The following BNC1 variants were observed in gnomAD, a reference collection of about 807,000 sequenced individuals.
BNC1 encodes the protein zinc finger protein basonuclin-1.
In BNC1, 8 loss-of-function variants were observed where a neutral mutation model predicts 66.5. The ratio of observed to expected loss-of-function variants is 0.12; its 90% CI spans 0.07 to 0.22. The LOEUF (loss-of-function observed/expected upper bound fraction) is 0.22, where lower values mean the gene tolerates loss of function less well. BNC1 is among the 10% of genes least tolerant of loss of function. The probability of loss-of-function intolerance (pLI) is 1.00; values close to 1 mark genes in which losing one functional copy is unlikely to be tolerated. For missense variants in BNC1, 1,069 were observed against 1,241.3 expected, an observed-to-expected ratio of 0.86 and a Z score of 2.09; for synonymous variants, 454 against 452.6, an observed-to-expected ratio of 1.00 and a Z score of -0.04.
intron 1 of BNC1, among the ~76,000 whole-genome samples, chr15:83,282,666 G>C (rs559791314): frequency 6.6e-6 from 1 of 152,102 alleles, no homozygotes; most frequent in African/African-American, 2.4e-5. Context: ...CGAAGACTTA[G>C]AATCTTATCA....
intron 1 of BNC1, among the ~76,000 whole-genome samples, chr15:83,273,384 C>T (rs941233153): frequency 3.9e-5 from 6 of 152,138 alleles, no homozygotes; most frequent in African/African-American, 1.4e-4. Context: ...ACAAAAAGTA[C>T]TCATGTAAAT....
At chr15:83,283,338 G>A (rs981537344) in intron 1 of BNC1, 23 of 1,465,340 alleles carry the variant, frequency 1.6e-5, no homozygotes, top group Admixed American at 4.2e-5. Flanking sequence ...GCGGCGGCGG[G>A]GCTCCGGGTC....
intron 4 of BNC1, among the ~76,000 whole-genome samples, chr15:83,262,371 C>G (rs183270591): frequency 1.3e-5 from 2 of 152,176 alleles, no homozygotes; most frequent in Non-Finnish European, 2.9e-5. Flanking sequence ...ATTTCTTATC[C>G]CACACCCTTG....
At chr15:83,264,897 T>C in intron 3 of BNC1, 82 bp from the exon 4 acceptor site, 4 of 1,402,096 alleles carry the variant, frequency 2.9e-6, no homozygotes, top group Non-Finnish European at 3.9e-6. Flanking sequence ...CACTAGACTA[T>C]GGGATACTTT....
chr15:83,283,690 C>A (rs1203083932), intron 1 of BNC1, among the ~76,000 whole-genome samples: 3 of 152,212 alleles, frequency 2.0e-5, no homozygotes, highest in Admixed American at 2.0e-4. Flanking sequence ...GCTTCCAGCC[C>A]AGAGCCCAAG....
chr15:83,257,316 TA>T lies in BNC1; in HGVS notation c.*125del. On this transcript the variant is annotated 3_prime_UTR_variant, in exon 5 of 5. Coordinates refer to ENST00000345382, the MANE Select transcript of BNC1 (RefSeq NM_001717.4). The stretch of plus-strand genomic sequence containing the variant: ...TTGCTCATTGTGCTGTGGAAAACTA[TA>T]AAGTCAAATCAAATACTTTTGCCTG... 1 of 1,138,542 alleles carries T rather than the reference TA, an allele frequency of 8.8e-7. No individual in the cohort carries two copies. Among genetic ancestry groups the T allele is most frequent in the Non-Finnish European group, 1.3e-6 (1 of 797,490 alleles). 70.5% of individuals were successfully genotyped at this position (1,138,542 alleles called of 1,614,324 possible). A position where few individuals can be genotyped will look rare whatever the true frequency, so the allele number is the denominator to read the frequency against.
At chr15:83,280,876 C>G (rs769228031) in intron 1 of BNC1, among the ~76,000 whole-genome samples, 1 of 152,198 alleles carries the variant, frequency 6.6e-6, no homozygotes, top group Non-Finnish European at 1.5e-5. Context: ...TCCCTATGGA[C>G]AGGGCTGTTT....
Position 83,264,546 on chromosome 15 carries a change from G to A in BNC1, c.705C>T (p.Asn235=), listed in dbSNP as rs141173152. The A allele has an allele frequency of 2.5e-6, 4 of 1,613,994 alleles. No homozygotes were observed. The highest frequency in any genetic ancestry group is 3.4e-6 in the Non-Finnish European group (4 of 1,180,030). Residue 235 remains asparagine (N), a synonymous_variant, in exon 4 of 5, where the codon AAC becomes AAT. Transcript: ENST00000345382. ...GNPSSIHPFE[N]LISNMTFMLP... ...GCATGAAAGTCATGTTGCTTATGAG[G>A]TTCTCAAAGGGGTGTATACTGCTGG...
intron 2 of BNC1, among the ~76,000 whole-genome samples, chr15:83,267,453 G>A (rs111544127): frequency 2.0e-5 from 3 of 152,158 alleles, no homozygotes; most frequent in Non-Finnish European, 4.4e-5. Context: ...GAGTTTGAGC[G>A]TTAGTTGTGG....
intron 4 of BNC1, among the ~76,000 whole-genome samples, chr15:83,260,185 A>G (rs980070240): frequency 6.6e-6 from 1 of 152,120 alleles, no homozygotes; most frequent in African/African-American, 2.4e-5. Context: ...ACGTAACACA[A>G]TTTTGCAACA....
chr15:83,255,956 T>G lies in BNC1; in HGVS notation c.*1486A>C, dbSNP rs78704947. ...AGAAAACATTTGTATACAAATCTTT[T>G]CACTTTGGGAAGACTGGAATATTAA... On this transcript the variant is annotated 3_prime_UTR_variant, in exon 5 of 5. Transcript: ENST00000345382. The G allele has an allele frequency of 6.6e-6, 1 of 152,656 alleles. No homozygotes were observed. The highest frequency in any genetic ancestry group is 2.4e-5 in the African/African-American group (1 of 41,448). 9.5% of individuals were successfully genotyped at this position (152,656 alleles called of 1,614,324 possible).
chr15:83,276,769 G>A (rs1303299965), intron 1 of BNC1, among the ~76,000 whole-genome samples: 1 of 152,212 alleles, frequency 6.6e-6, no homozygotes, highest in Admixed American at 6.5e-5. Context: ...GGATGGCTGA[G>A]AAGAAAGAGT....
At position 83,283,112 on chromosome 15, in the gene BNC1, T is replaced by C. The variant is rs760812777; in HGVS notation, c.99+1418A>G. On this transcript the variant is annotated intron_variant, in intron 1 of 4. Coordinates refer to ENST00000345382, the MANE Select transcript of BNC1 (RefSeq NM_001717.4). ...ACAACTTCACTCACACAATTAAGGCTGGGAGATGGCATTCCACTTAACTGT... is the reference window on the plus strand; with the variant it reads ...ACAACTTCACTCACACAATTAAGGCCGGGAGATGGCATTCCACTTAACTGT... 7 of 1,528,792 alleles carry C rather than the reference T, an allele frequency of 4.6e-6. No homozygotes were observed. In the South Asian group the frequency reaches 8.3e-5, roughly 18 times the overall value. 94.7% of individuals were successfully genotyped at this position (1,528,792 alleles called of 1,614,324 possible).
At chr15:83,266,361 G>A (rs897903844) in intron 3 of BNC1, among the ~76,000 whole-genome samples, 6 of 152,094 alleles carry the variant, frequency 3.9e-5, no homozygotes, top group African/African-American at 1.4e-4. Flanking sequence ...ATAAAAAATA[G>A]AGCCTAAGAA....
chr15:83,262,553 C>G (rs1329452857), intron 4 of BNC1, among the ~76,000 whole-genome samples: 3 of 152,062 alleles, frequency 2.0e-5, no homozygotes, highest in African/African-American at 7.3e-5. Flanking sequence ...AGCCTCACAT[C>G]ACTTCAGGTC....
intron 4 of BNC1, 90 bp downstream of exon 4, chr15:83,262,861 G>C: frequency 7.5e-7 from 1 of 1,331,566 alleles, no homozygotes; most frequent in Non-Finnish European, 1.0e-6. Flanking sequence ...TCAGAAGTCT[G>C]TGTTTTAACA....
chr15:83,259,588 G>A (rs578178928), intron 4 of BNC1, among the ~76,000 whole-genome samples: 11 of 152,256 alleles, frequency 7.2e-5, no homozygotes, highest in African/African-American at 2.6e-4. Flanking sequence ...ATTCTGGGTT[G>A]AAGGGGCTGG....
Position 83,264,002 on chromosome 15 carries a change from T to C in BNC1, c.1249A>G (p.Met417Val). The change falls in exon 4 of 5, where the codon ATG becomes GTG. Residue 417 changes from methionine to valine, a missense_variant. Coordinates refer to ENST00000345382, the MANE Select transcript of BNC1 (RefSeq NM_001717.4). ...TCTTTGTCCCGGTTATTTCTGTTCA[T>C]TGGCATGTGCAGCCGAGGGTTGGGG... ...ANPNPRLHMP[M>V]NRNNRDKDLR... is the part of the protein sequence containing the mutation. 1.2e-6 allele frequency: 2 copies of C among 1,614,196 alleles called. No individual in the cohort carries two copies. The highest frequency in any genetic ancestry group is 1.7e-6 in the Non-Finnish European group (2 of 1,180,034).
Position 83,259,379 on chromosome 15 carries a change from G to C in BNC1, c.2301-1253C>G, listed in dbSNP as rs193192354. Among the ~76,000 whole-genome samples the C allele has an allele frequency of 1.5e-3, 231 of 152,250 alleles. 7 individuals are homozygous for C. The highest frequency in any genetic ancestry group is 0.015 in the Admixed American group (231 of 15,296). The stretch of plus-strand genomic sequence containing the variant: ...AAAACACCTTCACCAAAATAACTAA[G>C]AATTGAACTTTTTAAATCCCCAAAG... On this transcript the variant is annotated intron_variant, in intron 4 of 4. Coordinates refer to ENST00000345382, the MANE Select transcript of BNC1 (RefSeq NM_001717.4).
Sources: allele counts gnomAD v4.1 joint callset (sites outside exome capture counted in the v4.1 genomes callset), GRCh38; gene constraint gnomAD v4.1.1; transcripts MANE v1.5; gene names NCBI Gene and HGNC (gene_info 2026-07-23, HGNC 2026-07-21).